MGAT5B: variants seen among roughly 807,000 people sequenced by gnomAD.
MGAT5B encodes the protein alpha-1,6-mannosylglycoprotein 6-beta-N-acetylglucosaminyltransferase B, also known as N-acetylglucosaminyl-transferase Vb.
MGAT5B carries 54 observed loss-of-function variants against 95.1 expected under a neutral mutation model. The observed-to-expected ratio is 0.57, with a 90% confidence interval of 0.46 to 0.71. The LOEUF (loss-of-function observed/expected upper bound fraction) is 0.71, where lower values mean the gene tolerates loss of function less well. Among genes scored for constraint, MGAT5B ranks in the 30% least tolerant of loss-of-function variants. The probability of loss-of-function intolerance (pLI) is 0.00; values close to 1 mark genes in which losing one functional copy is unlikely to be tolerated. For missense variants in MGAT5B, 935 were observed against 1,088.6 expected (o/e 0.86, Z 1.99); for synonymous variants, 464 against 451.0 (o/e 1.03, Z -0.36).
intron 3 of MGAT5B, among the ~76,000 whole-genome samples, chr17:76,899,937 C>G (rs1202419516): frequency 6.6e-6 from 1 of 152,186 alleles, no homozygotes; most frequent in Non-Finnish European, 1.5e-5. Context: ...TGGTCTAACC[C>G]AAGTCCCTGT....
Position 76,948,095 on chromosome 17 carries a change from T to TCCCCCCCCC in MGAT5B, c.2180+14_2180+15insCCCCCCCCC. The TCCCCCCCCC allele has an allele frequency of 3.2e-6, 5 of 1,562,128 alleles. No homozygotes were observed. Among genetic ancestry groups the TCCCCCCCCC allele is most frequent in the Non-Finnish European group, 4.3e-6 (5 of 1,150,690 alleles). On this transcript the variant is annotated intron_variant, in intron 17 of 17. Transcript: ENST00000569840. ...CAGGACGCCTTCCTCAAGTGAGTGT[T>TCCCCCCCCC]CCCCCACCCTCCCCACCCAGCCGCT...
Position 76,869,169 on chromosome 17 carries a change from G to A in MGAT5B, c.68+72G>A. On this transcript the variant is annotated intron_variant, in intron 1 of 17. Transcript: ENST00000569840. This position sits in a 1 kb window ranked among gnomAD's most constrained non-coding sequence, Gnocchi z 7.0. Reference sequence around the variant, plus strand: ...GGAGGTGGGCGAGGTCGGTTCCTGCGAACGTTCAAGTCCTGGTGGCAGAGG... The same window carrying A: ...GGAGGTGGGCGAGGTCGGTTCCTGCAAACGTTCAAGTCCTGGTGGCAGAGG... The A allele has an allele frequency of 7.5e-7, 1 of 1,327,036 alleles. No homozygotes were observed. Among genetic ancestry groups the A allele is most frequent in the Middle Eastern group, 1.8e-4 (1 of 5,534 alleles). The allele number at this position is 1,327,036 out of a possible 1,614,324, so 82.2% of individuals were successfully genotyped here. A position where few individuals can be genotyped will look rare whatever the true frequency, so the allele number is the denominator to read the frequency against.
chr17:76,869,335 C>T lies in MGAT5B; in HGVS notation c.68+238C>T, dbSNP rs1302053585. On this transcript the variant is annotated intron_variant, in intron 1 of 17. Coordinates refer to ENST00000569840, the MANE Select transcript of MGAT5B (RefSeq NM_001199172.2). The surrounding 1 kb of genome is among the most constrained non-coding windows in gnomAD (Gnocchi z 7.0). Reference sequence around the variant, plus strand: ...GAGTTGGGCAGGGTTGGAGAGGACTCGGGGTGCAGAGGTAAGAATGGGGGC... The same window carrying T: ...GAGTTGGGCAGGGTTGGAGAGGACTTGGGGTGCAGAGGTAAGAATGGGGGC... Among the ~76,000 whole-genome samples, 1 of 151,868 alleles carries T rather than the reference C, an allele frequency of 6.6e-6. No homozygotes were observed. Among genetic ancestry groups the T allele is most frequent in the Admixed American group, 6.6e-5 (1 of 15,238 alleles).
At chr17:76,882,709 T>C (rs1286898199) in intron 3 of MGAT5B, among the ~76,000 whole-genome samples, 1 of 75,640 alleles carries the variant, frequency 1.3e-5, no homozygotes, top group Admixed American at 1.6e-4. Flanking sequence ...CTGCCCCTTT[T>C]TTTTTTTTTT....
At chr17:76,913,323 G>T (rs72887763) in intron 8 of MGAT5B, among the ~76,000 whole-genome samples, 12,376 of 152,316 alleles carry the variant, frequency 0.081, 650 homozygotes, top group East Asian at 0.14. Context: ...GATATGACTG[G>T]CACAGACTGA....
chr17:76,915,915 G>A lies in MGAT5B; in HGVS notation c.1026-9051G>A, dbSNP rs1968916784. ...CCTGGCAGCCAGACACCTGACCCAA[G>A]TTGGCTGGCGGTCAGAACCCTTCCC... On this transcript the variant is annotated intron_variant, in intron 8 of 17. Coordinates refer to ENST00000569840, the MANE Select transcript of MGAT5B (RefSeq NM_001199172.2). The surrounding 1 kb of genome is among the most constrained non-coding windows in gnomAD (Gnocchi z 8.7). 6.6e-6 allele frequency among the ~76,000 whole-genome samples: 1 copy of A among 152,234 alleles called. No homozygotes were observed. The highest frequency in any genetic ancestry group is 1.5e-5 in the Non-Finnish European group (1 of 68,046).
At chr17:76,909,062 C>T (rs1817776030) in intron 8 of MGAT5B, among the ~76,000 whole-genome samples, 1 of 152,168 alleles carries the variant, frequency 6.6e-6, no homozygotes, top group South Asian at 2.1e-4. Context: ...CTGCTTTGGC[C>T]TCCCAAAGTG....
At position 76,912,608 on chromosome 17, in the gene MGAT5B, G is replaced by A. The variant is rs1269136080; in HGVS notation, c.1025+6421G>A. Among the ~76,000 whole-genome samples, 2 of 152,052 alleles carry A rather than the reference G, an allele frequency of 1.3e-5. No individual in the cohort carries two copies. The highest frequency in any genetic ancestry group is 2.9e-5 in the Non-Finnish European group (2 of 67,996). On this transcript the variant is annotated intron_variant, in intron 8 of 17. Transcript: ENST00000569840. The surrounding 1 kb of genome is among the most constrained non-coding windows in gnomAD (Gnocchi z 5.0). ...AGCAACAAGGCTGGACGGATGAGCC[G>A]GTCCCGCTCTGCTCCTCGGGTCTCG...
chr17:76,894,651 C>G (rs886652587), intron 3 of MGAT5B, among the ~76,000 whole-genome samples: 17 of 151,964 alleles, frequency 1.1e-4, no homozygotes, highest in African/African-American at 4.1e-4. Flanking sequence ...ATCAGGAGTT[C>G]AAGACCAGGC....
intron 2 of MGAT5B, among the ~76,000 whole-genome samples, chr17:76,879,329 C>T (rs1967318218): frequency 6.6e-6 from 1 of 152,196 alleles, no homozygotes; most frequent in Admixed American, 6.5e-5. Context: ...GTGGGCTCAG[C>T]ACCACTGGGG....
At chr17:76,903,449 G>A (rs951951828) in intron 5 of MGAT5B, 73 bp downstream of exon 5, 1 of 1,291,728 alleles carries the variant, frequency 7.7e-7, no homozygotes, top group Admixed American at 2.3e-5. Flanking sequence ...CCCTCACCCA[G>A]GCACAAGCTG....
chr17:76,928,245 G>A (rs4788957), intron 10 of MGAT5B, among the ~76,000 whole-genome samples: 1 of 151,898 alleles, frequency 6.6e-6, no homozygotes, highest in Non-Finnish European at 1.5e-5. Flanking sequence ...TTCTTACTGT[G>A]CTCCCAGCAG....
Position 76,868,935 on chromosome 17 carries a change from C to A in MGAT5B, c.-95C>A. On this transcript the variant is annotated 5_prime_UTR_variant, in exon 1 of 18. Transcript: ENST00000569840. The surrounding 1 kb of genome is among the most constrained non-coding windows in gnomAD (Gnocchi z 6.3). ...AGCTTCGCTCGGACGCGGCTTCGGC[C>A]CGCAGAGGGTTCGTGGCCCGGACGC... 2 of 1,276,718 alleles carry A rather than the reference C, an allele frequency of 1.6e-6. No individual in the cohort carries two copies. The highest frequency in any genetic ancestry group is 2.2e-6 in the Non-Finnish European group (2 of 894,770). 79.1% of individuals were successfully genotyped at this position (1,276,718 alleles called of 1,614,324 possible).
At chr17:76,946,838 C>T (rs1250018632) in intron 16 of MGAT5B, among the ~76,000 whole-genome samples, 3 of 152,252 alleles carry the variant, frequency 2.0e-5, no homozygotes, top group East Asian at 3.8e-4. Context: ...GGCAGTGAGA[C>T]TGGAATGGGA....
chr17:76,913,523 C>T (rs554040743), intron 8 of MGAT5B: 9 of 355,004 alleles, frequency 2.5e-5, no homozygotes, highest in South Asian at 1.5e-4. Flanking sequence ...CACTGGGTGA[C>T]GGGCCCAGGG....
chr17:76,868,960 C>G lies in MGAT5B; in HGVS notation c.-70C>G. 6.7e-7 allele frequency: 1 copy of G among 1,493,804 alleles called. No homozygotes were observed. The allele number at this position is 1,493,804 out of a possible 1,614,324, so 92.5% of individuals were successfully genotyped here. On this transcript the variant is annotated 5_prime_UTR_variant, in exon 1 of 18. Transcript: ENST00000569840. The surrounding 1 kb of genome is among the most constrained non-coding windows in gnomAD (Gnocchi z 6.3). ...CCGCAGAGGGTTCGTGGCCCGGACG[C>G]GGCGAGAGCTGGGCCCAGGACGGTG...
chr17:76,918,672 G>C lies in MGAT5B; in HGVS notation c.1026-6294G>C, dbSNP rs770806261. ...CCTGTTGTGGTAATGGGCCATGGCAGGGTTGGGGGCTGCCCATGATACTTG... is the reference window on the plus strand; with the variant it reads ...CCTGTTGTGGTAATGGGCCATGGCACGGTTGGGGGCTGCCCATGATACTTG... On this transcript the variant is annotated intron_variant, in intron 8 of 17. Transcript: ENST00000569840. The surrounding 1 kb of genome is among the most constrained non-coding windows in gnomAD (Gnocchi z 5.1). Among the ~76,000 whole-genome samples, 47 of 152,196 alleles carry C rather than the reference G, an allele frequency of 3.1e-4. No individual in the cohort carries two copies. Among genetic ancestry groups the C allele is most frequent in the Non-Finnish European group, 2.9e-5 (2 of 68,034 alleles).
In MGAT5B at chr17:76,940,791, C is replaced by G. The variant is rs772018054; in HGVS notation, c.1791C>G (p.Val597=). The change falls in exon 15 of 18, where the codon GTC becomes GTG. Residue 597 remains valine, a synonymous_variant. Coordinates refer to ENST00000569840, the MANE Select transcript of MGAT5B (RefSeq NM_001199172.2). This position sits in a 1 kb window ranked among gnomAD's most constrained non-coding sequence, Gnocchi z 4.3. ...NFIGKPHVWT[V]DYNNSEEFEA... ...TCGGCAAGCCCCACGTGTGGACAGT[C>G]GACTACAACAACTCAGAGGAGTTTG... 1.1e-5 allele frequency: 18 copies of G among 1,614,114 alleles called. No homozygotes were observed. The highest frequency in any genetic ancestry group is 1.4e-5 in the Non-Finnish European group (16 of 1,180,032).
chr17:76,939,593 G>T (rs1018504427), intron 13 of MGAT5B, among the ~76,000 whole-genome samples: 3 of 152,080 alleles, frequency 2.0e-5, no homozygotes, highest in Non-Finnish European at 4.4e-5. Flanking sequence ...ATAATGCTGA[G>T]GTTTGTGATA....
Sources: allele counts gnomAD v4.1 joint callset (sites outside exome capture counted in the v4.1 genomes callset), GRCh38; gene constraint gnomAD v4.1.1; non-coding constraint Gnocchi (gnomAD v3.1); transcripts MANE v1.5; gene names NCBI Gene and HGNC (gene_info 2026-07-23, HGNC 2026-07-21).